Variants in PRKN observed in about 807,000 individuals in gnomAD.
PRKN encodes E3 ubiquitin-protein ligase parkin.
A neutral mutation model predicts 59.5 loss-of-function variants in PRKN; 56 were observed. The ratio of observed to expected loss-of-function variants is 0.94; its 90% confidence interval spans 0.76 to 1.18. The LOEUF (loss-of-function observed/expected upper bound fraction) is 1.18. Ranked by LOEUF, PRKN falls within the 50% of genes most tolerant of loss-of-function variation. PRKN has a pLI of 0.00. For missense variants in PRKN, 657 were observed against 596.4 expected (o/e 1.10, Z -1.06); for synonymous variants, 250 against 222.1 (o/e 1.13, Z -1.12).
intron 2 of PRKN, among the ~76,000 whole-genome samples, chr6:162,344,628 C>CGG (rs56770554): frequency 6.8e-6 from 1 of 147,258 alleles, no homozygotes; most frequent in African/African-American, 2.5e-5. Flanking sequence ...TATGATGCCC[C>CGG]CTGCCCACCG....
intron 3 of PRKN, among the ~76,000 whole-genome samples, chr6:162,241,146 C>A (rs1399385299): frequency 6.6e-6 from 1 of 152,090 alleles, no homozygotes; most frequent in African/African-American, 2.4e-5. Flanking sequence ...TGTCTAATGT[C>A]TTTTATGATG....
At chr6:161,813,199 A>G (rs760836407) in intron 6 of PRKN, among the ~76,000 whole-genome samples, 9 of 152,166 alleles carry the variant, frequency 5.9e-5, no homozygotes, top group Non-Finnish European at 1.3e-4. Flanking sequence ...GGAGAGGCTT[A>G]GCTTGTGGGA....
intron 5 of PRKN, among the ~76,000 whole-genome samples, chr6:161,999,826 T>A (rs566290076): frequency 2.6e-5 from 4 of 152,220 alleles, no homozygotes; most frequent in African/African-American, 9.6e-5. Context: ...AGATTTTAGA[T>A]TCCACAGACC....
chr6:162,021,122 ATATATATATATAT>A (rs1783139648), intron 5 of PRKN, among the ~76,000 whole-genome samples: 1 of 3,290 alleles, frequency 3.0e-4, no homozygotes, highest in South Asian at 8.6e-3. Flanking sequence ...ACAAAAACAT[ATATATATATATAT>A]ATATATATAT....
intron 2 of PRKN, among the ~76,000 whole-genome samples, chr6:162,318,306 A>C (rs551564092): frequency 6.6e-6 from 1 of 152,240 alleles, no homozygotes; most frequent in Non-Finnish European, 1.5e-5. Context: ...AGCAAAAAGT[A>C]AGCCAAATAG....
At chr6:162,507,189 A>G (rs936319522) in intron 1 of PRKN, among the ~76,000 whole-genome samples, 19 of 152,084 alleles carry the variant, frequency 1.2e-4, no homozygotes, top group African/African-American at 4.6e-4. Context: ...ATGATTTCTC[A>G]CCCAGAACAA....
intron 6 of PRKN, among the ~76,000 whole-genome samples, chr6:161,824,152 A>G (rs528943032): frequency 1.3e-5 from 2 of 152,110 alleles, no homozygotes; most frequent in Non-Finnish European, 2.9e-5. Context: ...CACCCACCCA[A>G]CGCCACGAAG....
At chr6:162,225,889 T>C (rs1778149216) in intron 3 of PRKN, among the ~76,000 whole-genome samples, 1 of 95,528 alleles carries the variant, frequency 1.0e-5, no homozygotes. Flanking sequence ...TAGGGCTGTA[T>C]ATATATATAT....
chr6:161,668,376 G>A (rs530820022), intron 7 of PRKN, among the ~76,000 whole-genome samples: 5 of 151,254 alleles, frequency 3.3e-5, no homozygotes, highest in Admixed American at 2.0e-4. Flanking sequence ...AACAACACAC[G>A]CTCTTAAATA....
At chr6:161,559,554 G>C (rs1011525730) in intron 8 of PRKN, among the ~76,000 whole-genome samples, 3 of 152,188 alleles carry the variant, frequency 2.0e-5, no homozygotes, top group Admixed American at 2.0e-4. Context: ...TCCTTGAAAG[G>C]AGCTGGGGCA....
At chr6:162,023,336 T>A (rs931851397) in intron 5 of PRKN, among the ~76,000 whole-genome samples, 1 of 152,182 alleles carries the variant, frequency 6.6e-6, no homozygotes, top group Non-Finnish European at 1.5e-5. Context: ...CTTGCCTTGG[T>A]GTACCAGAAG....
intron 2 of PRKN, among the ~76,000 whole-genome samples, chr6:162,408,200 C>A (rs1201758723): frequency 6.6e-6 from 1 of 151,900 alleles, no homozygotes; most frequent in African/African-American, 2.4e-5. Flanking sequence ...AGAAACATAT[C>A]TGCTACTAGT....
chr6:162,419,373 T>C (rs1011691300), intron 2 of PRKN, among the ~76,000 whole-genome samples: 4 of 152,312 alleles, frequency 2.6e-5, no homozygotes, highest in African/African-American at 9.6e-5. Context: ...TTAATAATAA[T>C]AGCTAAAATC....
intron 6 of PRKN, among the ~76,000 whole-genome samples, chr6:161,943,644 C>CTGAGGGATCAGCCT (rs1562406934): frequency 2.0e-5 from 3 of 152,120 alleles, no homozygotes; most frequent in Admixed American, 1.3e-4. Flanking sequence ...AGGAAATACC[C>CTGAGGGATCAGCCT]TGAGGGATCA....
intron 6 of PRKN, among the ~76,000 whole-genome samples, chr6:161,797,220 A>T (rs1316869095): frequency 6.6e-6 from 1 of 152,104 alleles, no homozygotes; most frequent in Non-Finnish European, 1.5e-5. Flanking sequence ...ATGTAATCGT[A>T]TGCTGGGTCT....
At chr6:162,005,318 G>T (rs1782207994) in intron 5 of PRKN, among the ~76,000 whole-genome samples, 4 of 152,110 alleles carry the variant, frequency 2.6e-5, no homozygotes. Flanking sequence ...TGTTCACATT[G>T]GGAATTTTGT....
chr6:162,071,668 C>A (rs1404542109), intron 4 of PRKN, among the ~76,000 whole-genome samples: 1 of 151,152 alleles, frequency 6.6e-6, no homozygotes, highest in Non-Finnish European at 1.5e-5. Flanking sequence ...GCGATCCTGG[C>A]AAACTGCAAC....
At chr6:162,698,496 A>G (rs1778043783) in intron 1 of PRKN, among the ~76,000 whole-genome samples, 1 of 152,194 alleles carries the variant, frequency 6.6e-6, no homozygotes, top group African/African-American at 2.4e-5. Context: ...AAGCACCATC[A>G]CATGAGCATG....
At chr6:161,567,050 T>TGTGA (rs1780678418) in intron 8 of PRKN, among the ~76,000 whole-genome samples, 2 of 137,234 alleles carry the variant, frequency 1.5e-5, no homozygotes, top group African/African-American at 5.6e-5. Flanking sequence ...TGTGTGTGTG[T>TGTGA]GTGTGTGTGA....
Sources: allele counts gnomAD v4.1 joint callset (sites outside exome capture counted in the v4.1 genomes callset), GRCh38; gene constraint gnomAD v4.1.1; transcripts MANE v1.5; gene names NCBI Gene and HGNC (gene_info 2026-07-23, HGNC 2026-07-21).